MROH9: variants seen among roughly 807,000 people sequenced by gnomAD.
The protein encoded by MROH9 is maestro heat-like repeat-containing protein family member 9.
In MROH9, 92 loss-of-function variants were observed where a neutral mutation model predicts 98.2. The ratio of observed to expected loss-of-function variants is 0.94; its 90% CI spans 0.79 to 1.11. The LOEUF is 1.11. Among genes scored for constraint, MROH9 ranks in the 50% most tolerant of loss-of-function variants. The probability of loss-of-function intolerance (pLI) is 0.00; values close to 1 mark genes in which losing one functional copy is unlikely to be tolerated. For missense variants in MROH9, 1,057 were observed against 1,014.8 expected (o/e 1.04, Z -0.57); for synonymous variants, 397 against 368.9 (o/e 1.08, Z -0.87).
At chr1:170,996,457 T>G in intron 13 of MROH9, 50 bp from the exon 14 acceptor site, 1 of 1,599,698 alleles carries the variant, frequency 6.3e-7, no homozygotes, top group South Asian at 1.1e-5. Context: ...GTATTTAGTT[T>G]TTTGAATATC....
chr1:170,945,980 C>T (rs1378268973), intron 2 of MROH9, among the ~76,000 whole-genome samples: 1 of 151,766 alleles, frequency 6.6e-6, no homozygotes, highest in Non-Finnish European at 1.5e-5. Context: ...TAGTATACAG[C>T]CAAAGGGATC....
chr1:170,942,966 A>G (rs1390168172), intron 1 of MROH9, among the ~76,000 whole-genome samples: 2 of 152,144 alleles, frequency 1.3e-5, no homozygotes, highest in East Asian at 1.9e-4. Context: ...AAGCCAAAAG[A>G]GCAAATTTAC....
rs745752259 is a variant in MROH9, at chr1:170,996,624, T to C, written c.1455T>C (p.His485=). ...DQLSEDLCYY[H]GVCFIAKTLS... ...TATCTGAAGATCTGTGTTACTATCA[T>C]GGAGTCTGCTTTATTGCTAAGTAAG... is the stretch of plus-strand genomic sequence containing the variant. Residue 485 remains histidine (H), a synonymous_variant, in exon 14 of 22, where the codon CAT becomes CAC. Transcript: ENST00000367759. 6.2e-7 allele frequency: 1 copy of C among 1,613,516 alleles called. No individual in the cohort carries two copies. Among genetic ancestry groups the C allele is most frequent in the East Asian group, 2.2e-5 (1 of 44,856 alleles).
chr1:171,048,783 G>A (rs1653555091), intron 20 of MROH9, among the ~76,000 whole-genome samples: 1 of 152,190 alleles, frequency 6.6e-6, no homozygotes, highest in Admixed American at 6.5e-5. Flanking sequence ...AAGTCTCAGA[G>A]GTTCACCCAA....
At chr1:170,941,749 C>T (rs542848921) in intron 1 of MROH9, among the ~76,000 whole-genome samples, 2 of 152,268 alleles carry the variant, frequency 1.3e-5, no homozygotes, top group East Asian at 1.9e-4. Context: ...CAGAGCTCCT[C>T]AAGGATGGTG....
At chr1:170,952,366 A>G (rs1401928746) in intron 3 of MROH9, among the ~76,000 whole-genome samples, 7 of 152,154 alleles carry the variant, frequency 4.6e-5, no homozygotes, top group Admixed American at 3.9e-4. Flanking sequence ...TCCATCAATG[A>G]TAGACTGGAT....
intron 20 of MROH9, among the ~76,000 whole-genome samples, chr1:171,048,477 A>T (rs1283313010): frequency 6.6e-6 from 1 of 152,072 alleles, no homozygotes; most frequent in African/African-American, 2.4e-5. Context: ...TGTTCCCTTA[A>T]GGCCCAAGAA....
intron 20 of MROH9, among the ~76,000 whole-genome samples, chr1:171,053,658 A>T (rs1172258423): frequency 6.6e-6 from 1 of 152,218 alleles, no homozygotes; most frequent in Non-Finnish European, 1.5e-5. Flanking sequence ...TGTTGCAGTT[A>T]TTAGATATAC....
At chr1:171,047,625 G>T (rs995695136) in intron 20 of MROH9, among the ~76,000 whole-genome samples, 1 of 152,070 alleles carries the variant, frequency 6.6e-6, no homozygotes, top group African/African-American at 2.4e-5. Context: ...TGTGTGAAAG[G>T]TCACATGTCT....
chr1:171,036,161 CA>C (rs1459733274), intron 20 of MROH9, among the ~76,000 whole-genome samples: 1 of 151,958 alleles, frequency 6.6e-6, no homozygotes, highest in Non-Finnish European at 1.5e-5. Context: ...ATATAAAACA[CA>C]AAAACAGCTA....
At chr1:171,004,946 C>A (rs28845241) in intron 15 of MROH9, among the ~76,000 whole-genome samples, 21,202 of 151,588 alleles carry the variant, frequency 0.14, 1,662 homozygotes, top group African/African-American at 0.21. Flanking sequence ...ATTATTTTGA[C>A]TATTTGGGGT....
intron 8 of MROH9, among the ~76,000 whole-genome samples, chr1:170,979,875 A>G (rs1650857960): frequency 6.6e-6 from 1 of 152,184 alleles, no homozygotes; most frequent in Non-Finnish European, 1.5e-5. Flanking sequence ...TGAACTGATA[A>G]GCAACTTTAG....
At chr1:171,063,411 C>T (rs1444556111) in intron 21 of MROH9, among the ~76,000 whole-genome samples, 1 of 151,950 alleles carries the variant, frequency 6.6e-6, no homozygotes, top group Non-Finnish European at 1.5e-5. Context: ...TGCCACCATG[C>T]CCGGCTAATT....
At chr1:171,000,123 C>T (rs990393671) in intron 15 of MROH9, among the ~76,000 whole-genome samples, 9 of 151,994 alleles carry the variant, frequency 5.9e-5, no homozygotes, top group Non-Finnish European at 1.3e-4. Flanking sequence ...TTTTCTCCCA[C>T]TCTGTGGGTT....
chr1:171,047,349 AT>A (rs879706158), intron 20 of MROH9, among the ~76,000 whole-genome samples: 28 of 150,730 alleles, frequency 1.9e-4, no homozygotes, highest in Admixed American at 8.6e-4. Context: ...GGCATGCTTC[AT>A]TTTTTTTTAT....
intron 15 of MROH9, among the ~76,000 whole-genome samples, chr1:171,003,791 G>A (rs1651861065): frequency 6.6e-6 from 1 of 152,110 alleles, no homozygotes; most frequent in South Asian, 2.1e-4. Flanking sequence ...TGGTGGGTAG[G>A]ACCCTAGAAC....
intron 20 of MROH9, among the ~76,000 whole-genome samples, chr1:171,038,622 T>C (rs1364891225): frequency 6.6e-6 from 1 of 152,160 alleles, no homozygotes; most frequent in East Asian, 1.9e-4. Flanking sequence ...GTTTTCTGAT[T>C]ACCTTCAGCA....
chr1:171,054,936 A>G (rs1205752919), intron 20 of MROH9, among the ~76,000 whole-genome samples: 1 of 151,816 alleles, frequency 6.6e-6, no homozygotes, highest in Admixed American at 6.6e-5. Context: ...ATTATGGAAA[A>G]TGGTGTGGAG....
chr1:171,041,890 A>G (rs1050312642), intron 20 of MROH9, among the ~76,000 whole-genome samples: 2 of 151,952 alleles, frequency 1.3e-5, no homozygotes, highest in Non-Finnish European at 2.9e-5. Context: ...GTATATATTT[A>G]TGGGTACATG....
Sources: gnomAD v4.1 joint callset for allele counts (sites outside exome capture counted in the v4.1 genomes callset) on GRCh38, gnomAD v4.1.1 for gene constraint, MANE v1.5 for transcripts, NCBI Gene and HGNC (gene_info 2026-07-23, HGNC 2026-07-21) for gene names.